The following CRYBG3 variants were observed in gnomAD, a reference collection of about 807,000 sequenced individuals.
The protein encoded by CRYBG3 is very large A-kinase anchor protein.
A neutral mutation model predicts 244.2 loss-of-function variants in CRYBG3; 127 were observed. The ratio of observed to expected loss-of-function variants is 0.52; its 90% CI spans 0.45 to 0.60. The LOEUF is 0.60. CRYBG3 is among the 20% of genes least tolerant of loss of function. The pLI, the probability that CRYBG3 is intolerant of heterozygous loss-of-function variation, is 0.00. For synonymous variants in CRYBG3, 1,132 were observed against 1,195.8 expected (o/e 0.95, Z 1.10); for missense variants, 3,325 against 3,442.5 (o/e 0.97, Z 0.85).
At position 97,881,111 on chromosome 3, in the gene CRYBG3, A is replaced by G. The variant is rs1323788412; in HGVS notation, c.7044A>G (p.Lys2348=). The change falls in exon 7 of 22, where the codon AAA becomes AAG. Residue 2348 remains lysine (K), a synonymous_variant. Transcript: ENST00000389622. The stretch of plus-strand genomic sequence containing the variant: ...AGAAACCACATTTCCGAGGTCAGAA[A>G]TGTGTGCTAGAAGAAGGGGAAAAGG... ...LYEKPHFRGQ[K]CVLEEGEKVL... is the part of the protein sequence containing the mutation. 1 of 1,608,148 alleles carries G rather than the reference A, an allele frequency of 6.2e-7. No individual in the cohort carries two copies. Among genetic ancestry groups the G allele is most frequent in the African/African-American group, 1.3e-5 (1 of 74,696 alleles).
chr3:97,876,155 A>G lies in CRYBG3; in HGVS notation c.4961A>G (p.Asp1654Gly), dbSNP rs570765345. 1 of 1,231,956 alleles carries G rather than the reference A, an allele frequency of 8.1e-7. No homozygotes were observed. The highest frequency in any genetic ancestry group is 1.6e-5 in the African/African-American group (1 of 64,484). The allele number at this position is 1,231,956 out of a possible 1,614,324, so 76.3% of individuals were successfully genotyped here. A position where few individuals can be genotyped will look rare whatever the true frequency, so the allele number is the denominator to read the frequency against. ...ATCCACCAAAAGGATGCTGAAGGGG[A>G]TATTGTAAAGACTGAGATGACACCT... The part of the protein sequence containing the change: ...KNIHQKDAEG[D>G]IVKTEMTPVT... Residue 1654 changes from aspartate (D) to glycine (G), a missense_variant, in exon 4 of 22, where the codon GAT becomes GGT. Coordinates refer to ENST00000389622, the MANE Select transcript of CRYBG3 (RefSeq NM_153605.4).
intron 1 of CRYBG3, among the ~76,000 whole-genome samples, chr3:97,833,205 A>G (rs1055480985): frequency 5.3e-5 from 8 of 152,182 alleles, no homozygotes; most frequent in African/African-American, 1.9e-4. Context: ...CAGCAATCCC[A>G]TTACTGGGTA....
intron 17 of CRYBG3, among the ~76,000 whole-genome samples, chr3:97,917,705 T>C (rs994008528): frequency 2.6e-5 from 4 of 152,088 alleles, no homozygotes; most frequent in African/African-American, 7.2e-5. Context: ...TCCTGGGCAC[T>C]TTTTCCCCCT....
At chr3:97,854,706 T>A (rs968004215) in intron 2 of CRYBG3, among the ~76,000 whole-genome samples, 1 of 152,026 alleles carries the variant, frequency 6.6e-6, no homozygotes, top group Non-Finnish European at 1.5e-5. Context: ...GATTTTTTTT[T>A]ATCCTGGAAT....
chr3:97,855,288 T>TG (rs1261753241), intron 2 of CRYBG3, among the ~76,000 whole-genome samples: 1 of 152,150 alleles, frequency 6.6e-6, no homozygotes, highest in African/African-American at 2.4e-5. Flanking sequence ...GGTAATGGCC[T>TG]GTAGTTTTCT....
chr3:97,876,344 C>A lies in CRYBG3; in HGVS notation c.5150C>A (p.Thr1717Asn). Residue 1717 changes from threonine to asparagine, a missense_variant, in exon 4 of 22, where the codon ACT becomes AAT. Coordinates refer to ENST00000389622, the MANE Select transcript of CRYBG3 (RefSeq NM_153605.4). ...VIPVTLAMEN[T>N]YQKDAEGDIG... ...CCCGTTACATTAGCAATGGAAAATACTTACCAAAAGGATGCTGAAGGGGAT... is the reference window on the plus strand; with the variant it reads ...CCCGTTACATTAGCAATGGAAAATAATTACCAAAAGGATGCTGAAGGGGAT... 1.6e-6 allele frequency: 2 copies of A among 1,231,140 alleles called. No individual in the cohort carries two copies. Among genetic ancestry groups the A allele is most frequent in the Non-Finnish European group, 1.0e-6 (1 of 987,710 alleles). The allele number at this position is 1,231,140 out of a possible 1,614,324, so 76.3% of individuals were successfully genotyped here. A position where few individuals can be genotyped will look rare whatever the true frequency, so the allele number is the denominator to read the frequency against.
chr3:97,881,127 G>A lies in CRYBG3; in HGVS notation c.7060G>A (p.Gly2354Arg). 1 of 1,611,778 alleles carries A rather than the reference G, an allele frequency of 6.2e-7. No homozygotes were observed. The highest frequency in any genetic ancestry group is 8.5e-7 in the Non-Finnish European group (1 of 1,178,860). ...AGGTCAGAAATGTGTGCTAGAAGAAGGGGAAAAGGTGTTAAATCGTGACTG... is the reference window on the plus strand; with the variant it reads ...AGGTCAGAAATGTGTGCTAGAAGAAAGGGAAAAGGTGTTAAATCGTGACTG... ...FRGQKCVLEE[G>R]EKVLNRDWIL... The change falls in exon 7 of 22, where the codon GGG (glycine) becomes AGG (arginine). Residue 2354 changes from glycine to arginine, a missense_variant. Physicochemically the swap from Gly to Arg is moderately radical, Grantham distance 125. This residue lies in a region of CRYBG3 where 714 missense variants were observed against 803.6 expected (regional missense o/e 0.89). Coordinates refer to ENST00000389622, the MANE Select transcript of CRYBG3 (RefSeq NM_153605.4).
At position 97,872,932 on chromosome 3, in the gene CRYBG3, CATATT is replaced by C; in HGVS notation, c.1740_1744del (p.His580GlnfsTer4). On this transcript the variant is annotated frameshift_variant, in exon 4 of 22. Coordinates refer to ENST00000389622, the MANE Select transcript of CRYBG3 (RefSeq NM_153605.4). LOFTEE classifies it high-confidence loss of function. ...TTTTAGGTCACATGATAAAATTCCT[CATATT>C]AGAATGAATAAAAAAGACCTGGCCT... 6.5e-7 allele frequency: 1 copy of C among 1,530,462 alleles called. No homozygotes were observed. The highest frequency in any genetic ancestry group is 8.7e-7 in the Non-Finnish European group (1 of 1,145,534). 94.8% of individuals were successfully genotyped at this position (1,530,462 alleles called of 1,614,324 possible).
chr3:97,862,615 C>T (rs1363651995), intron 2 of CRYBG3, among the ~76,000 whole-genome samples: 1 of 152,082 alleles, frequency 6.6e-6, no homozygotes, highest in African/African-American at 2.4e-5. Context: ...TCTTCTACTG[C>T]CAAACTGAGA....
chr3:97,916,107 A>T (rs539853787), intron 17 of CRYBG3, among the ~76,000 whole-genome samples: 1 of 152,306 alleles, frequency 6.6e-6, no homozygotes, highest in South Asian at 2.1e-4. Flanking sequence ...ATTAAATGAG[A>T]TGATGCTTAT....
chr3:97,906,461 A>G (rs2039776075), intron 15 of CRYBG3, among the ~76,000 whole-genome samples: 1 of 119,904 alleles, frequency 8.3e-6, no homozygotes, highest in Non-Finnish European at 1.8e-5. Context: ...GGTCCTTCAC[A>G]TCCCTTGTAA....
At position 97,896,053 on chromosome 3, in the gene CRYBG3, A is replaced by T. The variant is rs1396012918; in HGVS notation, c.7669A>T (p.Ser2557Cys). Residue 2557 changes from serine to cysteine, a missense_variant, in exon 12 of 22, where the codon AGC (serine) becomes TGC (cysteine). Coordinates refer to ENST00000389622, the MANE Select transcript of CRYBG3 (RefSeq NM_153605.4). ...CAGTAATGCTTGTGGTGCATTAAGT[A>T]GCCCTATCTTGTCTTTCCGGTACTT... ...EDSNACGALSSPILSFRYLQA... is the reference protein window; with the variant it reads ...EDSNACGALSCPILSFRYLQA... 5.6e-6 allele frequency: 9 copies of T among 1,612,976 alleles called. No homozygotes were observed. In the African/African-American group the frequency reaches 8.0e-5, roughly 14 times the overall value.
chr3:97,833,645 C>T (rs1453687350), intron 1 of CRYBG3, among the ~76,000 whole-genome samples: 1 of 152,034 alleles, frequency 6.6e-6, no homozygotes, highest in Non-Finnish European at 1.5e-5. Context: ...TTCAGCAAAC[C>T]ACCATGGCAC....
At chr3:97,908,205 GAAA>G (rs1298316368) in intron 15 of CRYBG3, among the ~76,000 whole-genome samples, 1 of 152,130 alleles carries the variant, frequency 6.6e-6, no homozygotes, top group Admixed American at 6.5e-5. Flanking sequence ...TTGTGGTGCT[GAAA>G]AAAATGTATA....
chr3:97,874,653 G>A lies in CRYBG3; in HGVS notation c.3459G>A (p.Glu1153=). ...AAQFDNLVEA[E]TGAVAGPAAS... ...AATTTGACAATCTCGTGGAAGCAGA[G>A]ACTGGAGCAGTTGCTGGGCCTGCAG... The change falls in exon 4 of 22, where the codon GAG becomes GAA. Residue 1153 remains glutamate, a synonymous_variant. Transcript: ENST00000389622. The A allele has an allele frequency of 6.5e-7, 1 of 1,536,060 alleles. No homozygotes were observed. Among genetic ancestry groups the A allele is most frequent in the African/African-American group, 1.4e-5 (1 of 73,174 alleles).
At chr3:97,880,745 G>A (rs1226276312) in intron 6 of CRYBG3, among the ~76,000 whole-genome samples, 1 of 152,150 alleles carries the variant, frequency 6.6e-6, no homozygotes, top group African/African-American at 2.4e-5. Flanking sequence ...TGGAATTGTT[G>A]CACTATTGTT....
chr3:97,863,167 C>T (rs1320696970), intron 2 of CRYBG3, among the ~76,000 whole-genome samples: 1 of 152,106 alleles, frequency 6.6e-6, no homozygotes, highest in Non-Finnish European at 1.5e-5. Context: ...TTCTGACTCA[C>T]ACTTGAGCTT....
At chr3:97,908,541 T>C (rs942911203) in intron 15 of CRYBG3, among the ~76,000 whole-genome samples, 1 of 152,184 alleles carries the variant, frequency 6.6e-6, no homozygotes, top group African/African-American at 2.4e-5. Context: ...TGGTTTAAAG[T>C]CTGTTTTATC....
intron 16 of CRYBG3, among the ~76,000 whole-genome samples, chr3:97,913,433 A>G (rs895212659): frequency 1.3e-5 from 2 of 152,198 alleles, no homozygotes; most frequent in African/African-American, 4.8e-5. Context: ...GCTACTGTCA[A>G]CACTGCTATT....
Sources: gnomAD v4.1 joint callset for allele counts (sites outside exome capture counted in the v4.1 genomes callset) on GRCh38, gnomAD v4.1.1 for gene constraint, gnomAD v4.1.1 regional missense constraint, MANE v1.5 for transcripts, NCBI Gene and HGNC (gene_info 2026-07-23, HGNC 2026-07-21) for gene names.